Variants in KDM4C observed in about 807,000 individuals in gnomAD.
KDM4C encodes the protein lysine demethylase 4C, also known as lysine-specific demethylase 4C.
In KDM4C, 81 loss-of-function variants were observed where a neutral mutation model predicts 129.3. The ratio of observed to expected loss-of-function variants is 0.63; its 90% CI spans 0.52 to 0.75. The LOEUF is 0.75. Among genes scored for constraint, KDM4C ranks in the 30% least tolerant of loss-of-function variants. The pLI, the probability that KDM4C is intolerant of heterozygous loss-of-function variation, is 0.00. For synonymous variants in KDM4C, 573 were observed against 456.1 expected (o/e 1.26, Z -3.26); for missense variants, 1,457 against 1,304.0 (o/e 1.12, Z -1.81).
intron 7 of KDM4C, among the ~76,000 whole-genome samples, chr9:6,889,779 C>T (rs1315033468): frequency 6.6e-6 from 1 of 152,184 alleles, no homozygotes; most frequent in Non-Finnish European, 1.5e-5. Context: ...TTGGTGGTAG[C>T]TTAAGGCTGA....
chr9:6,724,160 CCT>C (rs1489012596), intron 1 of KDM4C: 1 of 152,194 alleles, frequency 6.6e-6, no homozygotes, highest in Non-Finnish European at 1.5e-5. Flanking sequence ...TTCAGACTGA[CCT>C]CTCATTTGGA....
intron 1 of KDM4C, among the ~76,000 whole-genome samples, chr9:6,744,198 T>G (rs1817800841): frequency 6.6e-6 from 1 of 152,130 alleles, no homozygotes; most frequent in South Asian, 2.1e-4. Context: ...ATAGGAGAAC[T>G]CAGGATCTAA....
intron 1 of KDM4C, among the ~76,000 whole-genome samples, chr9:6,774,227 A>T (rs11791505): frequency 0.063 from 9,562 of 152,242 alleles, 332 homozygotes; most frequent in East Asian, 0.12. Context: ...ATACAATGAA[A>T]AAACAGTCTA....
intron 8 of KDM4C, among the ~76,000 whole-genome samples, chr9:6,976,073 C>CTTTTTTG (rs1832867019): frequency 6.6e-6 from 1 of 151,782 alleles, no homozygotes; most frequent in Non-Finnish European, 1.5e-5. Context: ...GGGATTATAC[C>CTTTTTTG]TTTTTTGTTT....
chr9:6,785,579 T>C (rs2151278), intron 1 of KDM4C, among the ~76,000 whole-genome samples: 125,367 of 152,044 alleles, frequency 0.82, 52,200 homozygotes, highest in African/African-American at 0.95. Context: ...CCTGGTGATC[T>C]GCCCACCTTG....
intron 17 of KDM4C, among the ~76,000 whole-genome samples, chr9:7,080,152 T>TA (rs1388542733): frequency 1.3e-5 from 2 of 152,198 alleles, no homozygotes; most frequent in Non-Finnish European, 2.9e-5. Flanking sequence ...CTAGTCCACA[T>TA]AACCCAGCCT....
chr9:7,168,074 G>A (rs1010640728), intron 20 of KDM4C, among the ~76,000 whole-genome samples: 4 of 152,164 alleles, frequency 2.6e-5, no homozygotes, highest in African/African-American at 4.8e-5. Context: ...TATAATTACA[G>A]CTACTTGAGA....
intron 11 of KDM4C, 23 bp downstream of exon 11, chr9:6,986,689 T>A: frequency 6.5e-7 from 1 of 1,533,416 alleles, no homozygotes; most frequent in Non-Finnish European, 8.9e-7. Context: ...ATCCATTTTT[T>A]ACCATATTCA....
At chr9:6,889,700 G>A (rs981924838) in intron 7 of KDM4C, among the ~76,000 whole-genome samples, 1 of 152,246 alleles carries the variant, frequency 6.6e-6, no homozygotes, top group African/African-American at 2.4e-5. Flanking sequence ...CAAGGTAGAC[G>A]TGAAGGAATG....
rs557165492 is a variant in KDM4C at position 6,858,005 on chromosome 9, C to T, written c.629+8305C>T. Among the ~76,000 whole-genome samples the T allele has an allele frequency of 2.1e-5, 3 of 145,734 alleles. No individual in the cohort carries two copies. The East Asian group carries it at 6.2e-4, about 30-fold the overall frequency. On this transcript the variant is annotated intron_variant, in intron 5 of 21. Transcript: ENST00000381309. ...CCTGGAACTCCTGAGCTAAGGCAGT[C>T]TACCCACGCAGTCAGTCATAGCTCA...
In KDM4C at chr9:7,011,762, C is replaced by T. The variant is rs141475680; in HGVS notation, c.1851C>T (p.Leu617=). Residue 617 remains leucine (L), a synonymous_variant, in exon 13 of 22, where the codon CTC becomes CTT. Transcript: ENST00000381309. ...VEETESWAKP[L]IHLWQTKSPN... ...AAACAGAGTCTTGGGCGAAACCTCT[C>T]ATCCACCTTTGGCAGACGAAGTCCC... The T allele has an allele frequency of 2.3e-5, 37 of 1,614,138 alleles. No individual in the cohort carries two copies. In the African/African-American group the frequency reaches 4.9e-4, roughly 22 times the overall value.
intron 2 of KDM4C, among the ~76,000 whole-genome samples, chr9:6,803,199 T>C (rs1260935346): frequency 6.6e-6 from 1 of 152,170 alleles, no homozygotes; most frequent in Non-Finnish European, 1.5e-5. Flanking sequence ...TGGTGTTTGC[T>C]TTGTAATAAT....
At chr9:7,052,894 A>AGAGAGAGAGAGAGAGAGAGAGCGAGAGC (rs1339242817) in intron 17 of KDM4C, among the ~76,000 whole-genome samples, 6 of 105,466 alleles carry the variant, frequency 5.7e-5, no homozygotes, top group East Asian at 2.6e-4. Flanking sequence ...AGAGAGAGAG[A>AGAGAGAGAGAGAGAGAGAGAGCGAGAGC]GAGAGAGCGA....
chr9:7,167,788 C>G (rs1844548135), intron 20 of KDM4C, among the ~76,000 whole-genome samples: 1 of 152,226 alleles, frequency 6.6e-6, no homozygotes, highest in Non-Finnish European at 1.5e-5. Flanking sequence ...TAGACCAATG[C>G]ATTGGCACAG....
rs180921530 is a variant in KDM4C, at chr9:6,885,821, A to G, written c.680-2139A>G. ...CTATGTAAAATATAATTCTGATAGC[A>G]TATTGTAAATATAAATTCTGAACCA... On this transcript the variant is annotated intron_variant, in intron 6 of 21. Coordinates refer to ENST00000381309, the MANE Select transcript of KDM4C (RefSeq NM_015061.6). Among the ~76,000 whole-genome samples, 126 of 152,330 alleles carry G rather than the reference A, an allele frequency of 8.3e-4. 5 individuals are homozygous for G. In the East Asian group the frequency reaches 0.015, roughly 19 times the overall value.
At chr9:6,987,695 T>C (rs1390045542) in intron 11 of KDM4C, among the ~76,000 whole-genome samples, 1 of 152,228 alleles carries the variant, frequency 6.6e-6, no homozygotes, top group African/African-American at 2.4e-5. Flanking sequence ...AATTAAAATA[T>C]ACTTTTCTGA....
intron 8 of KDM4C, chr9:6,924,668 C>G (rs1046519898): frequency 1.6e-6 from 1 of 644,672 alleles, no homozygotes; most frequent in African/African-American, 2.0e-5. Flanking sequence ...TTGAATGTTA[C>G]ACTTGTGTTC....
At chr9:6,746,630 A>G (rs1324010918) in intron 1 of KDM4C, among the ~76,000 whole-genome samples, 3 of 151,342 alleles carry the variant, frequency 2.0e-5, no homozygotes, top group Non-Finnish European at 4.4e-5. Flanking sequence ...CCGAAATCCC[A>G]GCACTTTGGG....
At chr9:6,917,142 C>T (rs1204399400) in intron 8 of KDM4C, among the ~76,000 whole-genome samples, 1 of 152,098 alleles carries the variant, frequency 6.6e-6, no homozygotes, top group Non-Finnish European at 1.5e-5. Flanking sequence ...AATTGCAGGG[C>T]TGTGGGAGAG....
Sources: allele counts gnomAD v4.1 joint callset (sites outside exome capture counted in the v4.1 genomes callset), GRCh38; gene constraint gnomAD v4.1.1; transcripts MANE v1.5; gene names NCBI Gene and HGNC (gene_info 2026-07-23, HGNC 2026-07-21).